Variants in CAMSAP2 observed in about 807,000 individuals in gnomAD.
CAMSAP2 encodes the protein calmodulin regulated spectrin associated protein family member 2.
A neutral mutation model predicts 146.1 loss-of-function variants in CAMSAP2; 26 were observed. That is an observed-to-expected ratio of 0.18 (90% confidence interval 0.13 to 0.25). The LOEUF (loss-of-function observed/expected upper bound fraction) is 0.25. CAMSAP2 is among the 10% of genes least tolerant of loss of function. CAMSAP2 has a pLI of 1.00. For synonymous variants in CAMSAP2, 499 were observed against 596.6 expected (o/e 0.84, Z 2.38); for missense variants, 1,381 against 1,759.3 (o/e 0.78, Z 3.85).
chr1:200,767,495 T>A (rs1339726585), intron 2 of CAMSAP2, among the ~76,000 whole-genome samples: 6 of 120,256 alleles, frequency 5.0e-5, no homozygotes, highest in South Asian at 5.4e-4. Context: ...TTTTTTTTTT[T>A]AAACATATTG....
At chr1:200,758,442 A>G (rs1273821947) in intron 1 of CAMSAP2, among the ~76,000 whole-genome samples, 3 of 152,240 alleles carry the variant, frequency 2.0e-5, no homozygotes, top group African/African-American at 7.2e-5. Context: ...ATATTCTGCA[A>G]TTTAAAACTG....
chr1:200,788,747 T>A (rs2103029277), intron 2 of CAMSAP2, among the ~76,000 whole-genome samples: 1 of 151,934 alleles, frequency 6.6e-6, no homozygotes, highest in Non-Finnish European at 1.5e-5. Context: ...GTTCAAGCAA[T>A]TCTCCTGCCT....
chr1:200,740,963 A>G (rs1476260660), intron 1 of CAMSAP2, among the ~76,000 whole-genome samples: 1 of 152,218 alleles, frequency 6.6e-6, no homozygotes, highest in Non-Finnish European at 1.5e-5. Flanking sequence ...TTTGTTGAAA[A>G]GTTCCCTAGT....
At chr1:200,842,757 C>A (rs1015255188) in intron 7 of CAMSAP2, among the ~76,000 whole-genome samples, 1 of 151,994 alleles carries the variant, frequency 6.6e-6, no homozygotes, top group Non-Finnish European at 1.5e-5. Context: ...GGGTGGATTA[C>A]CTGAGGTCAG....
chr1:200,744,027 T>C (rs958723683), intron 1 of CAMSAP2, among the ~76,000 whole-genome samples: 1 of 152,246 alleles, frequency 6.6e-6, no homozygotes, highest in African/African-American at 2.4e-5. Context: ...TCAAGCACTT[T>C]ACACATACTG....
intron 2 of CAMSAP2, among the ~76,000 whole-genome samples, chr1:200,772,862 C>T (rs1571738379): frequency 6.6e-6 from 1 of 152,124 alleles, no homozygotes. Flanking sequence ...ATACTGCTGC[C>T]AGATTAATTT....
rs572754292 is a variant in CAMSAP2 at position 200,858,201 on chromosome 1, A to G, written c.*142A>G. ...AGCTCTGTTGTCATGAACAACTGGA[A>G]TGTAAACCACAGTATTTTGGAGTGC... On this transcript the variant is annotated 3_prime_UTR_variant, in exon 17 of 17. Transcript: ENST00000358823. 24 of 677,978 alleles carry G rather than the reference A, an allele frequency of 3.5e-5. No homozygotes were observed. Among genetic ancestry groups the G allele is most frequent in the Non-Finnish European group, 5.8e-5 (24 of 414,066 alleles). 42.0% of individuals were successfully genotyped at this position (677,978 alleles called of 1,614,324 possible). A position where few individuals can be genotyped will look rare whatever the true frequency, so the allele number is the denominator to read the frequency against.
intron 1 of CAMSAP2, among the ~76,000 whole-genome samples, chr1:200,752,068 G>C (rs568001394): frequency 6.6e-6 from 1 of 152,284 alleles, no homozygotes; most frequent in African/African-American, 2.4e-5. Context: ...GCTCAAAGGG[G>C]AGGTCTGGGC....
chr1:200,803,390 A>G (rs1003938584), intron 2 of CAMSAP2, among the ~76,000 whole-genome samples: 2 of 152,342 alleles, frequency 1.3e-5, no homozygotes, highest in Admixed American at 6.5e-5. Flanking sequence ...AAATGCCAAA[A>G]ACAGTATGTG....
At chr1:200,847,369 T>C (rs1667484575) in intron 9 of CAMSAP2, 77 bp downstream of exon 9, 4 of 1,086,846 alleles carry the variant, frequency 3.7e-6, no homozygotes, top group Admixed American at 4.6e-5. Flanking sequence ...TAAATATAAA[T>C]AAACAAATAT....
rs200612300 is a variant in CAMSAP2 at position 200,849,418 on chromosome 1, C to T, written c.2649C>T (p.Ser883=). Residue 883 remains serine, a synonymous_variant, in exon 11 of 17, where the codon TCC becomes TCT. Transcript: ENST00000358823. This position sits in a 1 kb window ranked among gnomAD's most constrained non-coding sequence, Gnocchi z 6.3. The part of the protein sequence containing the change: ...NEGEILEYTK[S]IEKLNSSLHF... ...GAGAGATTTTAGAATATACCAAATCCATTGAAAAGTTAAATTCATCCCTGC... is the reference window on the plus strand; with the variant it reads ...GAGAGATTTTAGAATATACCAAATCTATTGAAAAGTTAAATTCATCCCTGC... 6.8e-6 allele frequency: 11 copies of T among 1,614,148 alleles called. No individual in the cohort carries two copies. In the African/African-American group the frequency reaches 1.5e-4, roughly 22 times the overall value.
Position 200,815,544 on chromosome 1 carries a change from T to C in CAMSAP2, c.562-17T>C, listed in dbSNP as rs1666458309. 7.6e-6 allele frequency: 10 copies of C among 1,310,088 alleles called. No homozygotes were observed. Among genetic ancestry groups the C allele is most frequent in the Non-Finnish European group, 1.1e-5 (10 of 950,324 alleles). 81.2% of individuals were successfully genotyped at this position (1,310,088 alleles called of 1,614,324 possible). A position where few individuals can be genotyped will look rare whatever the true frequency, so the allele number is the denominator to read the frequency against. ...AAAAAAGAATAAAAATTCAAACTGA[T>C]ATTTTTATATTTTAAGGTAAATGAA... On this transcript the variant is annotated splice_polypyrimidine_tract_variant and intron_variant, in intron 3 of 16. Coordinates refer to ENST00000358823, the MANE Select transcript of CAMSAP2 (RefSeq NM_203459.4).
chr1:200,815,695 C>A (rs1177772821), intron 4 of CAMSAP2, 51 bp downstream of exon 4: 2 of 874,360 alleles, frequency 2.3e-6, no homozygotes, highest in South Asian at 4.4e-5. Context: ...TATATATGTT[C>A]ACATATTTGT....
At chr1:200,841,046 A>C (rs1240251363) in intron 6 of CAMSAP2, among the ~76,000 whole-genome samples, 1 of 152,210 alleles carries the variant, frequency 6.6e-6, no homozygotes, top group Non-Finnish European at 1.5e-5. Flanking sequence ...CCATTTAAAA[A>C]ATTATTTACA....
intron 2 of CAMSAP2, among the ~76,000 whole-genome samples, chr1:200,795,634 T>C (rs1443580335): frequency 1.3e-5 from 2 of 152,212 alleles, no homozygotes; most frequent in African/African-American, 2.4e-5. Flanking sequence ...TCAATAGATA[T>C]TTGAGCTATA....
At chr1:200,831,415 C>A (rs1667040308) in intron 4 of CAMSAP2, among the ~76,000 whole-genome samples, 1 of 152,128 alleles carries the variant, frequency 6.6e-6, no homozygotes, top group Admixed American at 6.5e-5. Context: ...TCCAAGATCA[C>A]AAAACTAGTA....
At chr1:200,830,637 C>G (rs1667018854) in intron 4 of CAMSAP2, among the ~76,000 whole-genome samples, 1 of 152,128 alleles carries the variant, frequency 6.6e-6, no homozygotes, top group Admixed American at 6.5e-5. Context: ...TTCTTTCTTC[C>G]TTCCTCTTCC....
chr1:200,843,475 C>T (rs2102239476), intron 7 of CAMSAP2, among the ~76,000 whole-genome samples: 1 of 152,202 alleles, frequency 6.6e-6, no homozygotes, highest in South Asian at 2.1e-4. Flanking sequence ...GAGATGCTCC[C>T]CTAAGTCCAT....
chr1:200,840,991 G>A (rs2102234372), intron 6 of CAMSAP2, among the ~76,000 whole-genome samples: 1 of 152,176 alleles, frequency 6.6e-6, no homozygotes, highest in East Asian at 1.9e-4. Context: ...ACTTGTAGTA[G>A]AAATGTGCTT....
Sources: allele counts gnomAD v4.1 joint callset (sites outside exome capture counted in the v4.1 genomes callset), GRCh38; gene constraint gnomAD v4.1.1; non-coding constraint Gnocchi (gnomAD v3.1); transcripts MANE v1.5; gene names NCBI Gene and HGNC (gene_info 2026-07-23, HGNC 2026-07-21).